EFCAB13: variants seen among roughly 807,000 people sequenced by gnomAD.
The protein encoded by EFCAB13 is EF-hand calcium-binding domain-containing protein 13.
Under a neutral mutation model 110.2 loss-of-function variants are expected in EFCAB13, and 91 were observed. That is an observed-to-expected ratio of 0.83 (90% CI 0.70 to 0.98). EFCAB13 has a LOEUF of 0.98. EFCAB13 is among the 50% of genes least tolerant of loss of function. The probability of loss-of-function intolerance (pLI) is 0.00; values close to 1 mark genes in which losing one functional copy is unlikely to be tolerated. For synonymous variants in EFCAB13, 323 were observed against 369.9 expected (o/e 0.87, Z 1.45); for missense variants, 968 against 1,119.4 (o/e 0.86, Z 1.93).
Position 47,352,501 on chromosome 17 carries a change from A to G in EFCAB13, c.661+4550A>G, listed in dbSNP as rs544836663. ...GCTGTTTTGGTTACTATTATAGTAT[A>G]ATTTGATGTCAGGTAATGTGATGTC... On this transcript the variant is annotated intron_variant, in intron 9 of 24. Coordinates refer to ENST00000331493, the MANE Select transcript of EFCAB13 (RefSeq NM_152347.5). Among the ~76,000 whole-genome samples the G allele has an allele frequency of 5.3e-5, 8 of 152,204 alleles. No homozygotes were observed. In the East Asian group the frequency reaches 1.2e-3, roughly 22 times the overall value.
intron 23 of EFCAB13, among the ~76,000 whole-genome samples, chr17:47,428,242 G>A (rs1218893760): frequency 2.6e-5 from 4 of 152,000 alleles, no homozygotes; most frequent in Admixed American, 6.6e-5. Flanking sequence ...CCCTACACCC[G>A]CTAAACAGCT....
chr17:47,378,217 A>G (rs1316080061), intron 13 of EFCAB13, among the ~76,000 whole-genome samples: 1 of 152,152 alleles, frequency 6.6e-6, no homozygotes, highest in Non-Finnish European at 1.5e-5. Flanking sequence ...TTCAGATGGC[A>G]AGACCACAAT....
At chr17:47,370,850 T>C (rs1458631055) in intron 11 of EFCAB13, among the ~76,000 whole-genome samples, 2 of 150,492 alleles carry the variant, frequency 1.3e-5, no homozygotes, top group Non-Finnish European at 3.0e-5. Context: ...CAAGTGATTC[T>C]CCTGCCTCAG....
At chr17:47,328,442 C>T in intron 4 of EFCAB13, 59 bp downstream of exon 4, 1 of 1,344,558 alleles carries the variant, frequency 7.4e-7, no homozygotes, top group South Asian at 1.4e-5. Context: ...AATTAGTTTA[C>T]ATTACCTCAT....
At chr17:47,357,075 C>A (rs1162874365) in intron 9 of EFCAB13, among the ~76,000 whole-genome samples, 1 of 152,208 alleles carries the variant, frequency 6.6e-6, no homozygotes, top group Non-Finnish European at 1.5e-5. Flanking sequence ...TGGTTTCACT[C>A]CCACTGCGCT....
At chr17:47,390,658 C>A (rs1261736520) in intron 14 of EFCAB13, among the ~76,000 whole-genome samples, 2 of 152,006 alleles carry the variant, frequency 1.3e-5, no homozygotes, top group Non-Finnish European at 2.9e-5. Context: ...GGTGAATTTA[C>A]CAAAGACTGA....
chr17:47,351,006 A>G (rs1288232076), intron 9 of EFCAB13, among the ~76,000 whole-genome samples: 1 of 152,066 alleles, frequency 6.6e-6, no homozygotes, highest in African/African-American at 2.4e-5. Flanking sequence ...TAGTGTAACC[A>G]TTATTCGAAT....
chr17:47,377,315 T>A (rs1038990798), intron 12 of EFCAB13, among the ~76,000 whole-genome samples: 1 of 151,964 alleles, frequency 6.6e-6, no homozygotes, highest in Non-Finnish European at 1.5e-5. Flanking sequence ...ACATGCACCA[T>A]CACACCCAGC....
rs1441880577 is a variant in EFCAB13, at chr17:47,440,620, A to G, written c.2828A>G (p.Asn943Ser). ...VKAQVSKKQY[N>S]MNIKQHKISL... Reference sequence around the variant, plus strand: ...GCACAGGTAAGTAAGAAGCAATACAATATGAATATAAAACAACACAAGATT... The same window carrying G: ...GCACAGGTAAGTAAGAAGCAATACAGTATGAATATAAAACAACACAAGATT... Residue 943 changes from asparagine to serine, a missense_variant, in exon 25 of 25, where the codon AAT becomes AGT. Coordinates refer to ENST00000331493, the MANE Select transcript of EFCAB13 (RefSeq NM_152347.5). 3.7e-6 allele frequency: 6 copies of G among 1,611,822 alleles called. No individual in the cohort carries two copies. In the South Asian group the frequency reaches 6.6e-5, roughly 18 times the overall value.
intron 16 of EFCAB13, 141 bp downstream of exon 16, chr17:47,394,240 T>G (rs1244271530): frequency 5.9e-6 from 3 of 510,840 alleles, no homozygotes; most frequent in Non-Finnish European, 1.0e-5. Flanking sequence ...GGCTTCCTGC[T>G]GCTATATTTG....
At chr17:47,407,248 C>T (rs1051460753) in intron 20 of EFCAB13, among the ~76,000 whole-genome samples, 2 of 152,160 alleles carry the variant, frequency 1.3e-5, no homozygotes, top group African/African-American at 4.8e-5. Flanking sequence ...CAAACCCAGA[C>T]ATTTAACAAA....
intron 23 of EFCAB13, among the ~76,000 whole-genome samples, chr17:47,424,938 A>G (rs1236112466): frequency 1.9e-5 from 2 of 107,904 alleles, no homozygotes; most frequent in Admixed American, 2.5e-4. Flanking sequence ...GCTGGAGTGC[A>G]GTGGCGCGAT....
At chr17:47,351,317 G>A (rs868122596) in intron 9 of EFCAB13, among the ~76,000 whole-genome samples, 141 of 113,988 alleles carry the variant, frequency 1.2e-3, no homozygotes, top group Middle Eastern at 4.9e-3. Flanking sequence ...GCGCGCGCGC[G>A]CGCGCGCGCG....
intron 23 of EFCAB13, among the ~76,000 whole-genome samples, chr17:47,426,143 G>A (rs567129975): frequency 6.6e-6 from 1 of 152,238 alleles, no homozygotes; most frequent in South Asian, 2.1e-4. Flanking sequence ...AAACCCAAAA[G>A]GGAAAGAGAA....
chr17:47,400,806 T>C (rs1373062931), intron 17 of EFCAB13, among the ~76,000 whole-genome samples: 2 of 152,230 alleles, frequency 1.3e-5, no homozygotes, highest in Non-Finnish European at 2.9e-5. Flanking sequence ...TGAATTACAG[T>C]ACCCGTTGCC....
intron 23 of EFCAB13, among the ~76,000 whole-genome samples, chr17:47,421,641 G>GAAAAAAAAAAAAAAAAAAAAAAAAAAAA (rs375256582): frequency 7.7e-6 from 1 of 129,386 alleles, no homozygotes. Flanking sequence ...AAGAAAGAAA[G>GAAAAAAAAAAAAAAAAAAAAAAAAAAAA]AAAAAAAAAA....
At chr17:47,336,881 A>AT (rs1343049900) in intron 5 of EFCAB13, among the ~76,000 whole-genome samples, 13 of 152,126 alleles carry the variant, frequency 8.5e-5, no homozygotes, top group African/African-American at 3.1e-4. Flanking sequence ...TGACTAAAAA[A>AT]TAAAAAAAAA....
Position 47,345,013 on chromosome 17 carries a change from C to A in EFCAB13, c.435-3C>A. ...CTTTCTAATATGGCTGTTTCTTTGA[C>A]AGGGAAAAGGAAATGCTGTCTAACC... On this transcript the variant is annotated splice_polypyrimidine_tract_variant and splice_region_variant and intron_variant, in intron 7 of 24. Coordinates refer to ENST00000331493, the MANE Select transcript of EFCAB13 (RefSeq NM_152347.5). 6.3e-7 allele frequency: 1 copy of A among 1,597,896 alleles called. No homozygotes were observed. The highest frequency in any genetic ancestry group is 1.7e-5 in the Admixed American group (1 of 57,294).
chr17:47,393,225 T>C (rs564463885), intron 15 of EFCAB13, among the ~76,000 whole-genome samples: 3 of 152,286 alleles, frequency 2.0e-5, no homozygotes, highest in African/African-American at 7.2e-5. Flanking sequence ...CATACATTTT[T>C]ATATCCACTA....
Sources: allele counts gnomAD v4.1 joint callset (sites outside exome capture counted in the v4.1 genomes callset), GRCh38; gene constraint gnomAD v4.1.1; transcripts MANE v1.5; gene names NCBI Gene and HGNC (gene_info 2026-07-23, HGNC 2026-07-21).